Variants in CMYA5 observed in about 807,000 individuals in gnomAD.
The protein encoded by CMYA5 is cardiomyopathy-associated protein 5.
In CMYA5, 246 loss-of-function variants were observed where a neutral mutation model predicts 318.9. That is an observed-to-expected ratio of 0.77 (90% CI 0.70 to 0.86). The LOEUF is 0.86. Ranked by LOEUF, CMYA5 falls within the 40% of genes least tolerant of loss-of-function variation. CMYA5 has a pLI of 0.00. For synonymous variants in CMYA5, 1,641 were observed against 1,729.5 expected, an observed-to-expected ratio of 0.95 and a Z score of 1.27; for missense variants, 4,589 against 4,678.2, an observed-to-expected ratio of 0.98 and a Z score of 0.56.
intron 1 of CMYA5, among the ~76,000 whole-genome samples, chr5:79,714,431 C>CTTTTTTTTTTTTTTTTT (rs71615553): frequency 2.0e-5 from 2 of 100,676 alleles, no homozygotes; most frequent in African/African-American, 8.6e-5. Flanking sequence ...TTTTCTTTTT[C>CTTTTTTTTTTTTTTTTT]TTTTTTTTTT....
chr5:79,734,255 A>G lies in CMYA5; in HGVS notation c.5490A>G (p.Ser1830=), dbSNP rs748995042. 5 of 1,613,584 alleles carry G rather than the reference A, an allele frequency of 3.1e-6. No homozygotes were observed. The South Asian group carries it at 3.3e-5, about 11-fold the overall frequency. Residue 1830 remains serine, a synonymous_variant, in exon 2 of 13, where the codon TCA becomes TCG. Transcript: ENST00000446378. ...AAAAGACAGAAAAAGCACTTCATTC[A>G]GATCAAACTGTTAAATTACCTGATG... ...EQKKTEKALH[S]DQTVKLPDVS... is the part of the protein sequence containing the mutation.
At chr5:79,698,241 A>T (rs1261813091) in intron 1 of CMYA5, among the ~76,000 whole-genome samples, 1 of 152,184 alleles carries the variant, frequency 6.6e-6, no homozygotes, top group Non-Finnish European at 1.5e-5. Context: ...GAAGAGCTTC[A>T]ATAAATCCCC....
chr5:79,797,372 G>T (rs187360008), intron 12 of CMYA5, among the ~76,000 whole-genome samples: 23 of 152,230 alleles, frequency 1.5e-4, no homozygotes, highest in Admixed American at 1.4e-3. Flanking sequence ...AGTTAACAGG[G>T]TTATTAAAAT....
chr5:79,697,609 A>G (rs1319209613), intron 1 of CMYA5, among the ~76,000 whole-genome samples: 1 of 152,148 alleles, frequency 6.6e-6, no homozygotes, highest in African/African-American at 2.4e-5. Context: ...TCCCATATTG[A>G]GTAATTTACC....
chr5:79,791,008 G>C lies in CMYA5; in HGVS notation c.11728G>C (p.Ala3910Pro), dbSNP rs1274200557. 1 of 1,613,882 alleles carries C rather than the reference G, an allele frequency of 6.2e-7. No homozygotes were observed. Among genetic ancestry groups the C allele is most frequent in the Non-Finnish European group, 8.5e-7 (1 of 1,179,818 alleles). ...FLLLRETAHPALHISSSGTVI... is the reference protein window; with the variant it reads ...FLLLRETAHPPLHISSSGTVI... Reference sequence around the variant, plus strand: ...CTTGTTGAGAGAAACAGCTCATCCTGCTCTACACATTTCCTCAAGTGGGAC... The same window carrying C: ...CTTGTTGAGAGAAACAGCTCATCCTCCTCTACACATTTCCTCAAGTGGGAC... Residue 3910 changes from alanine to proline, a missense_variant, in exon 11 of 13, where the codon GCT becomes CCT. By Grantham distance (27) the Ala-to-Pro change is conservative. Around this residue, in one of 3 missense-constraint regions of CMYA5, gnomAD observed 2,431 missense variants for 2,495.1 expected, o/e 0.97. Transcript: ENST00000446378.
chr5:79,791,649 G>A (rs1031678946), intron 11 of CMYA5, among the ~76,000 whole-genome samples: 3 of 151,204 alleles, frequency 2.0e-5, no homozygotes, highest in Non-Finnish European at 2.9e-5. Context: ...GAACCTCGGA[G>A]GTGGAGGTTG....
intron 1 of CMYA5, among the ~76,000 whole-genome samples, chr5:79,709,241 A>T (rs1022202689): frequency 1.3e-5 from 2 of 152,182 alleles, no homozygotes; most frequent in African/African-American, 4.8e-5. Flanking sequence ...GCCTGAAAAA[A>T]TTATTTTGCT....
At chr5:79,748,744 A>ATGTT (rs200234249) in intron 5 of CMYA5, among the ~76,000 whole-genome samples, 1,953 of 152,186 alleles carry the variant, frequency 0.013, 32 homozygotes, top group African/African-American at 0.044. Context: ...GAGTTTTGTC[A>ATGTT]TGTTGCCCAG....
chr5:79,759,025 C>T (rs546755974), intron 7 of CMYA5, 123 bp downstream of exon 7: 26 of 805,812 alleles, frequency 3.2e-5, no homozygotes, highest in Non-Finnish European at 4.6e-5. Flanking sequence ...TACAAAACAA[C>T]AACAAAACCC....
In CMYA5 at chr5:79,758,821, T is replaced by C. The variant is rs1334490387; in HGVS notation, c.11179T>C (p.Trp3727Arg). The C allele has an allele frequency of 2.5e-6, 4 of 1,604,290 alleles. No homozygotes were observed. Among genetic ancestry groups the C allele is most frequent in the Non-Finnish European group, 3.4e-6 (4 of 1,175,552 alleles). Reference sequence around the variant, plus strand: ...CACCAGCACAACAATTGCAGTTTACTGGAGCATGAACAAGGAAGATGTCAT... The same window carrying C: ...CACCAGCACAACAATTGCAGTTTACCGGAGCATGAACAAGGAAGATGTCAT... The part of the protein sequence containing the change: ...SATSTTIAVY[W>R]SMNKEDVIDS... Residue 3727 changes from tryptophan (W) to arginine (R), a missense_variant, in exon 7 of 13, where the codon TGG (tryptophan) becomes CGG (arginine). Trp to Arg is a moderately radical substitution (Grantham distance 101). This residue lies in a region of CMYA5 where 2,431 missense variants were observed against 2,495.1 expected (regional missense o/e 0.97). Coordinates refer to ENST00000446378, the MANE Select transcript of CMYA5 (RefSeq NM_153610.5).
Position 79,739,351 on chromosome 5 carries a change from C to A in CMYA5, c.10586C>A (p.Thr3529Asn), listed in dbSNP as rs745510942. The A allele has an allele frequency of 1.3e-6, 2 of 1,564,860 alleles. No individual in the cohort carries two copies. The highest frequency in any genetic ancestry group is 3.8e-5 in the Admixed American group (2 of 51,992). Residue 3529 changes from threonine to asparagine, a missense_variant, in exon 2 of 13, where the codon ACC becomes AAC. Thr to Asn is a moderately conservative substitution (Grantham distance 65). Coordinates refer to ENST00000446378, the MANE Select transcript of CMYA5 (RefSeq NM_153610.5). ...PISATDKVFG[T>N]HKDHEVSTLD... ...TCTGCCACTGACAAGGTGTTTGGCA[C>A]CCACAAAGACCATGAAGTTTCAACG...
intron 9 of CMYA5, among the ~76,000 whole-genome samples, chr5:79,786,384 C>T (rs983951432): frequency 6.6e-6 from 1 of 152,312 alleles, no homozygotes; most frequent in East Asian, 1.9e-4. Flanking sequence ...TTCTAATTGT[C>T]TTTCAAATTT....
chr5:79,778,497 C>A (rs1162370303), intron 9 of CMYA5, among the ~76,000 whole-genome samples: 3 of 152,040 alleles, frequency 2.0e-5, no homozygotes, highest in African/African-American at 7.2e-5. Context: ...CTGTGCATTT[C>A]TTTTATTAGG....
At chr5:79,784,707 T>C (rs1217209401) in intron 9 of CMYA5, among the ~76,000 whole-genome samples, 4 of 138,264 alleles carry the variant, frequency 2.9e-5, no homozygotes. Context: ...CCCCTTTCTT[T>C]GACTCGGAAA....
chr5:79,703,608 G>A (rs1301070291), intron 1 of CMYA5, among the ~76,000 whole-genome samples: 4 of 152,206 alleles, frequency 2.6e-5, no homozygotes, highest in African/African-American at 7.2e-5. Flanking sequence ...TAGAGTGTAT[G>A]TATGACCCTG....
Position 79,793,591 on chromosome 5 carries a change from C to T in CMYA5, c.11944C>T (p.His3982Tyr). 8 of 1,610,162 alleles carry T rather than the reference C, an allele frequency of 5.0e-6. No individual in the cohort carries two copies. Among genetic ancestry groups the T allele is most frequent in the Non-Finnish European group, 5.9e-6 (7 of 1,176,874 alleles). Residue 3982 changes from histidine to tyrosine, a missense_variant, in exon 12 of 13, where the codon CAC becomes TAC. This residue lies in a region of CMYA5 where 2,431 missense variants were observed against 2,495.1 expected (regional missense o/e 0.97). Transcript: ENST00000446378. The part of the protein sequence containing the change: ...LGQGETSWYM[H>Y]CSEPQRYTFF... ...ACAAGGGGAGACCTCATGGTACATG[C>T]ACTGCTCTGAGCCACAGAGGTAAGC...
chr5:79,798,008 T>A (rs766011911), intron 12 of CMYA5, among the ~76,000 whole-genome samples: 25 of 152,158 alleles, frequency 1.6e-4, no homozygotes, highest in Non-Finnish European at 3.1e-4. Context: ...CCTGAAACGT[T>A]TAGTCTGTCT....
intron 4 of CMYA5, 80 bp from the exon 5 acceptor site, chr5:79,747,011 G>C (rs912083166): frequency 4.6e-6 from 4 of 864,178 alleles, no homozygotes; most frequent in Admixed American, 4.8e-5. Context: ...TTTTCTTTCT[G>C]TTGTTAATTA....
chr5:79,737,108 T>C lies in CMYA5; in HGVS notation c.8343T>C (p.Ser2781=). Residue 2781 remains serine (S), a synonymous_variant, in exon 2 of 13, where the codon AGT becomes AGC. Coordinates refer to ENST00000446378, the MANE Select transcript of CMYA5 (RefSeq NM_153610.5). ...KGGSVDITKE[S]MKEGFPSKES... is the part of the protein sequence containing the mutation. ...GTTCAGTAGATATCACAAAAGAAAG[T>C]ATGAAAGAAGGATTTCCATCTAAAG... The C allele has an allele frequency of 1.2e-6, 2 of 1,613,490 alleles. No individual in the cohort carries two copies. Among genetic ancestry groups the C allele is most frequent in the Non-Finnish European group, 1.7e-6 (2 of 1,179,738 alleles).
Sources: gnomAD v4.1 joint callset for allele counts (sites outside exome capture counted in the v4.1 genomes callset) on GRCh38, gnomAD v4.1.1 for gene constraint, gnomAD v4.1.1 regional missense constraint, MANE v1.5 for transcripts, NCBI Gene and HGNC (gene_info 2026-07-23, HGNC 2026-07-21) for gene names.